The following BMPR2 variants were observed in gnomAD, a reference collection of about 807,000 sequenced individuals.
BMPR2 encodes the protein bone morphogenetic protein receptor type 2.
A neutral mutation model predicts 100.8 loss-of-function variants in BMPR2; 29 were observed. That is an observed-to-expected ratio of 0.29 (90% confidence interval 0.21 to 0.39). The LOEUF (loss-of-function observed/expected upper bound fraction) is 0.39, where lower values mean the gene tolerates loss of function less well. Ranked by LOEUF, BMPR2 falls within the 10% of genes least tolerant of loss-of-function variation. The pLI, the probability that BMPR2 is intolerant of heterozygous loss-of-function variation, is 1.00. For missense variants in BMPR2, 1,011 were observed against 1,274.5 expected, an observed-to-expected ratio of 0.79 and a Z score of 3.15; for synonymous variants, 382 against 442.3, an observed-to-expected ratio of 0.86 and a Z score of 1.71.
chr2:202,551,862 ATTTT>A (rs35621004), intron 10 of BMPR2, among the ~76,000 whole-genome samples: 1 of 130,380 alleles, frequency 7.7e-6, no homozygotes. Context: ...ATGCTGGCTA[ATTTT>A]TTTTTTTTTT....
At chr2:202,491,456 C>G (rs1483265259) in intron 3 of BMPR2, among the ~76,000 whole-genome samples, 1 of 151,790 alleles carries the variant, frequency 6.6e-6, no homozygotes, top group African/African-American at 2.4e-5. Context: ...TGGAGTTTCA[C>G]TCTGTCCCCC....
Position 202,532,809 on chromosome 2 carries a change from C to T in BMPR2, c.1276+77C>T, listed in dbSNP as rs533394000. ...TTCTTTCTCTACCTATAGTACCTAA[C>T]TCAACTTTTATGTAAGAATCTTTTT... On this transcript the variant is annotated intron_variant, in intron 9 of 12. Coordinates refer to ENST00000374580, the MANE Select transcript of BMPR2 (RefSeq NM_001204.7). This position sits in a 1 kb window ranked among gnomAD's most constrained non-coding sequence, Gnocchi z 4.1. 3.3e-4 allele frequency: 488 copies of T among 1,488,150 alleles called. No homozygotes were observed. Among genetic ancestry groups the T allele is most frequent in the Non-Finnish European group, 4.2e-4 (455 of 1,085,694 alleles). The allele number at this position is 1,488,150 out of a possible 1,614,324, so 92.2% of individuals were successfully genotyped here.
chr2:202,402,178 A>T (rs981194757), intron 1 of BMPR2, among the ~76,000 whole-genome samples: 4 of 152,152 alleles, frequency 2.6e-5, no homozygotes, highest in Non-Finnish European at 4.4e-5. Flanking sequence ...TTACGTAGTA[A>T]CTTTATGTAT....
At chr2:202,531,885 C>T (rs1252552474) in intron 8 of BMPR2, among the ~76,000 whole-genome samples, 1 of 149,148 alleles carries the variant, frequency 6.7e-6, no homozygotes, top group African/African-American at 2.5e-5. Flanking sequence ...ACCTTGGCCT[C>T]CCAAAGTGCT....
At chr2:202,492,923 G>C (rs376817167) in intron 3 of BMPR2, among the ~76,000 whole-genome samples, 5 of 152,028 alleles carry the variant, frequency 3.3e-5, no homozygotes, top group African/African-American at 4.8e-5. Flanking sequence ...TGAGGGAGTT[G>C]CCTGCTGATG....
chr2:202,454,564 C>G (rs1031556923), intron 1 of BMPR2, among the ~76,000 whole-genome samples: 5 of 152,058 alleles, frequency 3.3e-5, no homozygotes, highest in African/African-American at 1.2e-4. Context: ...TACTTGTTAT[C>G]TAGTAACTTG....
intron 1 of BMPR2, among the ~76,000 whole-genome samples, chr2:202,410,691 T>C (rs1288170443): frequency 1.3e-5 from 2 of 152,096 alleles, no homozygotes; most frequent in South Asian, 2.1e-4. Flanking sequence ...AACATTCTCC[T>C]TCCTCAGCCA....
At chr2:202,386,685 T>C (rs1459958157) in intron 1 of BMPR2, among the ~76,000 whole-genome samples, 1 of 140,662 alleles carries the variant, frequency 7.1e-6, no homozygotes, top group East Asian at 2.0e-4. Flanking sequence ...TTTTCTTTTC[T>C]TTTTTTTTTT....
At chr2:202,439,745 C>CTTTTTTT (rs201206348) in intron 1 of BMPR2, among the ~76,000 whole-genome samples, 15 of 134,482 alleles carry the variant, frequency 1.1e-4, no homozygotes, top group Admixed American at 1.4e-4. Context: ...TTTCTTTTTT[C>CTTTTTTT]TTTTTTCTTT....
chr2:202,391,287 T>C (rs1690543547), intron 1 of BMPR2, among the ~76,000 whole-genome samples: 1 of 151,866 alleles, frequency 6.6e-6, no homozygotes, highest in East Asian at 1.9e-4. Flanking sequence ...AGTAGTCTTA[T>C]AGTTTTGTTG....
chr2:202,475,626 C>G (rs1414961157), intron 3 of BMPR2, among the ~76,000 whole-genome samples: 1 of 152,158 alleles, frequency 6.6e-6, no homozygotes, highest in African/African-American at 2.4e-5. Flanking sequence ...ACCCTACCTA[C>G]CTACCTTGCT....
At chr2:202,422,241 C>T (rs1277936082) in intron 1 of BMPR2, among the ~76,000 whole-genome samples, 1 of 151,804 alleles carries the variant, frequency 6.6e-6, no homozygotes, top group East Asian at 2.0e-4. Context: ...AAAACACTTT[C>T]AAAGATACAT....
chr2:202,477,323 G>T (rs1186089585), intron 3 of BMPR2, among the ~76,000 whole-genome samples: 1 of 151,728 alleles, frequency 6.6e-6, no homozygotes, highest in Non-Finnish European at 1.5e-5. Context: ...TTACCATAAA[G>T]GATACTTTTC....
intron 1 of BMPR2, among the ~76,000 whole-genome samples, chr2:202,405,631 T>C (rs1201357751): frequency 7.5e-6 from 1 of 132,464 alleles, no homozygotes; most frequent in African/African-American, 3.0e-5. Context: ...GAACTTGCAG[T>C]GAGCCAAGAT....
rs531780055 is a variant in BMPR2, at chr2:202,389,085, C to T, written c.76+11535C>T. 8.1e-4 allele frequency among the ~76,000 whole-genome samples: 123 copies of T among 151,688 alleles called. No individual in the cohort carries two copies. In the Middle Eastern group the frequency reaches 0.014, roughly 17 times the overall value. ...GTCTCTACAAACAATTTTTAAAAATCAGCTGAGTGTGAGTCTGTAGTACCA... is the reference window on the plus strand; with the variant it reads ...GTCTCTACAAACAATTTTTAAAAATTAGCTGAGTGTGAGTCTGTAGTACCA... On this transcript the variant is annotated intron_variant, in intron 1 of 12. Transcript: ENST00000374580.
intron 1 of BMPR2, among the ~76,000 whole-genome samples, chr2:202,458,680 G>A (rs1055800575): frequency 5.3e-5 from 8 of 152,006 alleles, no homozygotes; most frequent in Non-Finnish European, 1.0e-4. Flanking sequence ...TCAAAAAGAT[G>A]GCTTTCTTTT....
intron 3 of BMPR2, among the ~76,000 whole-genome samples, chr2:202,480,720 G>A (rs367902692): frequency 1.5e-4 from 23 of 151,956 alleles, no homozygotes; most frequent in African/African-American, 3.4e-4. Flanking sequence ...TTGGGAGGCC[G>A]AGGCGGGTGG....
intron 3 of BMPR2, among the ~76,000 whole-genome samples, chr2:202,490,528 T>C (rs1014216642): frequency 6.6e-6 from 1 of 152,236 alleles, no homozygotes; most frequent in African/African-American, 2.4e-5. Context: ...CACAATGATA[T>C]AAATAAAAAA....
chr2:202,443,733 G>GTTTTAT lies in BMPR2; in HGVS notation c.77-21059_77-21054dup, dbSNP rs1210910602. Among the ~76,000 whole-genome samples the GTTTTAT allele has an allele frequency of 5.3e-5, 8 of 150,292 alleles. No individual in the cohort carries two copies. The East Asian group carries it at 5.8e-4, about 11-fold the overall frequency. Reference sequence around the variant, plus strand: ...CATGTGCCACAATGCCCAGCTAATTGTTTTATTTTTATTTTTATTTTTGGT... The same window carrying GTTTTAT: ...CATGTGCCACAATGCCCAGCTAATTGTTTTATTTTTATTTTTATTTTTATTTTTGGT... On this transcript the variant is annotated intron_variant, in intron 1 of 12. Coordinates refer to ENST00000374580, the MANE Select transcript of BMPR2 (RefSeq NM_001204.7).
Sources: allele counts gnomAD v4.1 joint callset (sites outside exome capture counted in the v4.1 genomes callset), GRCh38; gene constraint gnomAD v4.1.1; non-coding constraint Gnocchi (gnomAD v3.1); transcripts MANE v1.5; gene names NCBI Gene and HGNC (gene_info 2026-07-23, HGNC 2026-07-21).